Variants in NCOR1 observed in about 807,000 individuals in gnomAD.
NCOR1 encodes protein phosphatase 1, regulatory subunit 109.
A neutral mutation model predicts 288.1 loss-of-function variants in NCOR1; 63 were observed. The ratio of observed to expected loss-of-function variants is 0.22; its 90% CI spans 0.18 to 0.27. NCOR1 has a LOEUF of 0.27. Among genes scored for constraint, NCOR1 ranks in the 10% least tolerant of loss-of-function variants. The pLI is 1.00. For missense variants in NCOR1, 2,397 were observed against 3,019.2 expected (o/e 0.79, Z 4.83); for synonymous variants, 1,007 against 1,065.9 (o/e 0.94, Z 1.08).
intron 40 of NCOR1, among the ~76,000 whole-genome samples, chr17:16,055,291 T>C (rs1227881293): frequency 1.3e-5 from 2 of 152,224 alleles, no homozygotes; most frequent in East Asian, 3.8e-4. Context: ...CCATCAGTGA[T>C]TGACTGGATA....
chr17:16,166,387 T>A (rs1180189803), intron 4 of NCOR1, among the ~76,000 whole-genome samples: 1 of 152,072 alleles, frequency 6.6e-6, no homozygotes, highest in Non-Finnish European at 1.5e-5. Context: ...TTCATCTAAA[T>A]AAAATATCAG....
At chr17:16,203,647 T>C (rs548265184) in intron 1 of NCOR1, among the ~76,000 whole-genome samples, 1 of 152,320 alleles carries the variant, frequency 6.6e-6, no homozygotes, top group African/African-American at 2.4e-5. Context: ...CTGTCTTCCC[T>C]CACTAGAATA....
chr17:16,165,815 C>G (rs931027427), intron 4 of NCOR1, among the ~76,000 whole-genome samples: 4 of 152,184 alleles, frequency 2.6e-5, no homozygotes, highest in Non-Finnish European at 5.9e-5. Flanking sequence ...CACCCAAAAT[C>G]CACTACCCTC....
chr17:16,117,860 T>G, intron 18 of NCOR1, 28 bp downstream of exon 18: 1 of 1,604,336 alleles, frequency 6.2e-7, no homozygotes, highest in Non-Finnish European at 8.5e-7. Flanking sequence ...AAACAGTAAG[T>G]AAAGAGTCAC....
At chr17:16,087,434 T>G in intron 22 of NCOR1, 1 of 805,084 alleles carries the variant, frequency 1.2e-6, no homozygotes, top group Admixed American at 2.8e-5. Context: ...ATCCAGGGGC[T>G]GATCCGACTA....
chr17:16,075,416 A>C, intron 27 of NCOR1, 118 bp downstream of exon 27: 1 of 1,146,524 alleles, frequency 8.7e-7, no homozygotes, highest in Non-Finnish European at 1.2e-6. Flanking sequence ...TACTGAGAGA[A>C]AACATAGGCT....
At chr17:16,053,341 A>G (rs2152510370) in intron 40 of NCOR1, among the ~76,000 whole-genome samples, 1 of 152,334 alleles carries the variant, frequency 6.6e-6, no homozygotes, top group Admixed American at 6.5e-5. Context: ...CAACTTCAGC[A>G]AAGTCTCAGG....
intron 20 of NCOR1, among the ~76,000 whole-genome samples, chr17:16,100,832 T>C (rs541670608): frequency 6.6e-6 from 1 of 152,348 alleles, no homozygotes; most frequent in Admixed American, 6.5e-5. Context: ...TTCTACCTAA[T>C]AAGTAGGGGC....
chr17:16,035,504 C>T (rs1228730222), intron 44 of NCOR1, among the ~76,000 whole-genome samples: 1 of 150,400 alleles, frequency 6.6e-6, no homozygotes, highest in African/African-American at 2.4e-5. Flanking sequence ...GTTACATCTT[C>T]AGGCTCCACT....
Position 16,029,650 on chromosome 17 carries a change from C to G in NCOR1, c.*2646G>C, listed in dbSNP as rs188054798. The G allele has an allele frequency of 1.8e-4, 30 of 169,134 alleles. No homozygotes were observed. The East Asian group carries it at 3.3e-3, about 18-fold the overall frequency. 10.5% of individuals were successfully genotyped at this position (169,134 alleles called of 1,614,324 possible). A position where few individuals can be genotyped will look rare whatever the true frequency, so the allele number is the denominator to read the frequency against. ...ACAAAGAATATCATGTTTTGGTTTG[C>G]AGTGAACCACAGTAAGTTGTCAGTG... On this transcript the variant is annotated 3_prime_UTR_variant, in exon 46 of 46. Coordinates refer to ENST00000268712, the MANE Select transcript of NCOR1 (RefSeq NM_006311.4).
chr17:16,037,344 A>T (rs1347483173), intron 44 of NCOR1, among the ~76,000 whole-genome samples: 1 of 152,176 alleles, frequency 6.6e-6, no homozygotes, highest in Non-Finnish European at 1.5e-5. Flanking sequence ...CACAAAGGAG[A>T]GCCCATGCTA....
chr17:16,087,255 G>A, intron 22 of NCOR1: 1 of 1,304,218 alleles, frequency 7.7e-7, no homozygotes, highest in Non-Finnish European at 1.0e-6. Flanking sequence ...CCTACACGGT[G>A]AGGCTGACCT....
Position 16,040,092 on chromosome 17 carries a change from G to C in NCOR1, c.6733+349C>G, listed in dbSNP as rs573782392. On this transcript the variant is annotated intron_variant, in intron 43 of 45. Transcript: ENST00000268712. ...GGCGTGAGCCACCGCACCCAGCCCA[G>C]AGACCATCTTAATCCACAGATAACT... is the stretch of plus-strand genomic sequence containing the variant. 1.7e-5 allele frequency: 8 copies of C among 479,124 alleles called. No homozygotes were observed. In the Admixed American group the frequency reaches 1.9e-4, roughly 11 times the overall value. 29.7% of individuals were successfully genotyped at this position (479,124 alleles called of 1,614,324 possible).
chr17:16,029,380 G>T lies in NCOR1; in HGVS notation c.*2916C>A. ...ATTCAAAAGTGAATTGGTTAAAATCGTGTCATTAAAATTTTTTAACTGTCC... is the reference window on the plus strand; with the variant it reads ...ATTCAAAAGTGAATTGGTTAAAATCTTGTCATTAAAATTTTTTAACTGTCC... On this transcript the variant is annotated 3_prime_UTR_variant, in exon 46 of 46. Transcript: ENST00000268712. 1 of 337,506 alleles carries T rather than the reference G, an allele frequency of 3.0e-6. No homozygotes were observed. The highest frequency in any genetic ancestry group is 2.4e-5 in the South Asian group (1 of 41,958). The allele number at this position is 337,506 out of a possible 1,614,324, so 20.9% of individuals were successfully genotyped here. A position where few individuals can be genotyped will look rare whatever the true frequency, so the allele number is the denominator to read the frequency against.
intron 18 of NCOR1, among the ~76,000 whole-genome samples, chr17:16,117,414 A>G (rs1317835753): frequency 6.6e-6 from 1 of 151,958 alleles, no homozygotes; most frequent in East Asian, 1.9e-4. Flanking sequence ...AGAAACAGCT[A>G]GCCTATACTA....
At chr17:16,129,454 T>C (rs1240048106) in intron 14 of NCOR1, among the ~76,000 whole-genome samples, 2 of 152,208 alleles carry the variant, frequency 1.3e-5, no homozygotes, top group African/African-American at 4.8e-5. Flanking sequence ...CTTCTCACCC[T>C]GGCTAACTGC....
rs201181980 is a variant in NCOR1, at chr17:16,071,712, C to T, written c.3896-47G>A. On this transcript the variant is annotated intron_variant, in intron 29 of 45. Coordinates refer to ENST00000268712, the MANE Select transcript of NCOR1 (RefSeq NM_006311.4). Reference sequence around the variant, plus strand: ...CATTAAAATAATGCTGATGGTTGCACAACAATGCCACGGAACTGTGCACTT... The same window carrying T: ...CATTAAAATAATGCTGATGGTTGCATAACAATGCCACGGAACTGTGCACTT... 3.7e-5 allele frequency: 57 copies of T among 1,548,440 alleles called. No individual in the cohort carries two copies. The Admixed American group carries it at 8.1e-4, about 22-fold the overall frequency.
Position 16,148,061 on chromosome 17 carries a change from C to T in NCOR1, c.909+1390G>A, listed in dbSNP as rs1288496608. On this transcript the variant is annotated intron_variant, in intron 9 of 45. Transcript: ENST00000268712. ...CAAACTCCCGACCTCAAGTGATCTGCCCTCCTTGGCCTTCCAAAGTGCTGG... is the reference window on the plus strand; with the variant it reads ...CAAACTCCCGACCTCAAGTGATCTGTCCTCCTTGGCCTTCCAAAGTGCTGG... Among the ~76,000 whole-genome samples, 3 of 152,242 alleles carry T rather than the reference C, an allele frequency of 2.0e-5. No homozygotes were observed. In the East Asian group the frequency reaches 5.8e-4, roughly 29 times the overall value.
rs761688012 is a variant in NCOR1, at chr17:16,171,966, G to C, written c.272C>G (p.Pro91Arg). ...RPQERRTSYE[P>R]FHPGPSPVDH... ...CACTGGGGATGGGCCTGGATGAAAC[G>C]GTTCATAACTAGTTCTCCTTTCTTG... The change falls in exon 4 of 46, where the codon CCG (proline) becomes CGG (arginine). Residue 91 changes from proline (P) to arginine (R), a missense_variant. Physicochemically the swap from Pro to Arg is moderately radical, Grantham distance 103 (BLOSUM62 -2). Transcript: ENST00000268712. 1.9e-6 allele frequency: 3 copies of C among 1,591,776 alleles called. No individual in the cohort carries two copies. In the South Asian group the frequency reaches 3.4e-5, roughly 18 times the overall value.
Sources: allele counts gnomAD v4.1 joint callset (sites outside exome capture counted in the v4.1 genomes callset), GRCh38; gene constraint gnomAD v4.1.1; transcripts MANE v1.5; gene names NCBI Gene and HGNC (gene_info 2026-07-23, HGNC 2026-07-21).